DOCK2: variants seen among roughly 807,000 people sequenced by gnomAD.
DOCK2 encodes the protein dedicator of cytokinesis 2.
DOCK2 carries 87 observed loss-of-function variants against 248.9 expected under a neutral mutation model. The observed-to-expected ratio is 0.35, with a 90% confidence interval of 0.29 to 0.42. The LOEUF (loss-of-function observed/expected upper bound fraction) is 0.42. Among genes scored for constraint, DOCK2 ranks in the 10% least tolerant of loss-of-function variants. The pLI, the probability that DOCK2 is intolerant of heterozygous loss-of-function variation, is 1.00. For missense variants in DOCK2, 1,747 were observed against 2,300.2 expected, an observed-to-expected ratio of 0.76 and a Z score of 4.92; for synonymous variants, 805 against 821.6, an observed-to-expected ratio of 0.98 and a Z score of 0.35.
intron 32 of DOCK2, among the ~76,000 whole-genome samples, chr5:170,012,749 C>T (rs1755349593): frequency 6.6e-6 from 1 of 152,216 alleles, no homozygotes; most frequent in South Asian, 2.1e-4. Context: ...TTGATTTCTG[C>T]TCGGCATGAA....
At chr5:169,937,617 T>G in intron 27 of DOCK2, among the ~76,000 whole-genome samples, 1 of 142,024 alleles carries the variant, frequency 7.0e-6, no homozygotes, top group African/African-American at 2.6e-5. Context: ...TTTAATCCCA[T>G]AACAACCTAT....
intron 35 of DOCK2, among the ~76,000 whole-genome samples, chr5:170,034,983 A>T (rs1157287946): frequency 6.6e-6 from 1 of 152,204 alleles, no homozygotes; most frequent in African/African-American, 2.4e-5. Context: ...CAATTTCATT[A>T]GGTTGTGTTG....
intron 27 of DOCK2, among the ~76,000 whole-genome samples, chr5:169,891,782 A>AGACCAGCTTG (rs1170965370): frequency 2.6e-5 from 4 of 152,138 alleles, no homozygotes; most frequent in Admixed American, 6.6e-5. Context: ...CAGGAGTTCA[A>AGACCAGCTTG]GACCAGCTTG....
At chr5:170,025,784 T>TTCCC (rs1205163718) in intron 33 of DOCK2, among the ~76,000 whole-genome samples, 58 of 37,534 alleles carry the variant, frequency 1.5e-3, no homozygotes, top group African/African-American at 3.2e-3. Context: ...CCCTCCCTCC[T>TTCCC]TCCCTCCCTT....
chr5:169,719,680 C>T (rs1048087899), intron 22 of DOCK2, among the ~76,000 whole-genome samples: 17 of 152,152 alleles, frequency 1.1e-4, no homozygotes, highest in Admixed American at 4.6e-4. Flanking sequence ...AGTTTTCCGA[C>T]GCAGAGGCTG....
intron 32 of DOCK2, among the ~76,000 whole-genome samples, chr5:170,015,679 A>C (rs548766241): frequency 6.6e-6 from 1 of 151,992 alleles, no homozygotes; most frequent in African/African-American, 2.4e-5. Context: ...ATCCTTGTTC[A>C]TTGCAGCGTC....
At chr5:169,875,964 T>TGGAG (rs1253698805) in intron 27 of DOCK2, 1 of 152,284 alleles carries the variant, frequency 6.6e-6, no homozygotes, top group Non-Finnish European at 1.5e-5. Context: ...CTTACAGTTC[T>TGGAG]GGAGGGCAGA....
At chr5:169,706,154 T>C (rs568610760) in intron 14 of DOCK2, among the ~76,000 whole-genome samples, 137 of 152,332 alleles carry the variant, frequency 9.0e-4, no homozygotes, top group Admixed American at 1.4e-3. Flanking sequence ...GACTTTTTTC[T>C]CCAGCCTTAG....
At chr5:169,757,904 C>G (rs1032117298) in intron 23 of DOCK2, among the ~76,000 whole-genome samples, 10 of 152,118 alleles carry the variant, frequency 6.6e-5, no homozygotes, top group African/African-American at 2.4e-4. Context: ...CCAATGGTAG[C>G]AAGGTTATGG....
chr5:169,920,059 CT>C (rs1775087896), intron 27 of DOCK2, among the ~76,000 whole-genome samples: 1 of 152,128 alleles, frequency 6.6e-6, no homozygotes, highest in African/African-American at 2.4e-5. Context: ...CACAACACAA[CT>C]TTGTGAGATA....
intron 28 of DOCK2, among the ~76,000 whole-genome samples, chr5:169,984,788 G>A (rs1253149620): frequency 6.6e-6 from 1 of 152,116 alleles, no homozygotes; most frequent in African/African-American, 2.4e-5. Flanking sequence ...CCAACTTAAG[G>A]AAACAACTCT....
chr5:169,940,494 T>G (rs1776196412), intron 27 of DOCK2, among the ~76,000 whole-genome samples: 1 of 152,220 alleles, frequency 6.6e-6, no homozygotes, highest in African/African-American at 2.4e-5. Context: ...TATTATATTT[T>G]AATTTATAAT....
intron 26 of DOCK2, among the ~76,000 whole-genome samples, chr5:169,826,319 G>A (rs1358627069): frequency 2.0e-5 from 3 of 152,142 alleles, no homozygotes; most frequent in Non-Finnish European, 2.9e-5. Flanking sequence ...ACTGGGCTCA[G>A]TTTTTCCCTG....
At chr5:169,840,586 G>A (rs945899630) in intron 26 of DOCK2, among the ~76,000 whole-genome samples, 171 bp from the exon 27 acceptor site, 16 of 39,580 alleles carry the variant, frequency 4.0e-4, no homozygotes, top group African/African-American at 2.8e-3. Context: ...GAGATATGGC[G>A]ATGATGATGA....
intron 27 of DOCK2, among the ~76,000 whole-genome samples, chr5:169,872,438 A>C (rs951591578): frequency 6.6e-6 from 1 of 152,148 alleles, no homozygotes; most frequent in Non-Finnish European, 1.5e-5. Flanking sequence ...AAGTTTGCTC[A>C]TTTTTTATAG....
At chr5:169,909,070 T>G (rs1361279558) in intron 27 of DOCK2, among the ~76,000 whole-genome samples, 1 of 152,192 alleles carries the variant, frequency 6.6e-6, no homozygotes, top group African/African-American at 2.4e-5. Flanking sequence ...GCTGCCTGCT[T>G]TCAGTAGCTG....
chr5:169,980,380 C>A (rs892389986), intron 27 of DOCK2: 4 of 152,120 alleles, frequency 2.6e-5, no homozygotes, highest in Non-Finnish European at 5.9e-5. Flanking sequence ...AATAATAAGT[C>A]CTTCATATTG....
intron 27 of DOCK2, among the ~76,000 whole-genome samples, chr5:169,929,505 G>T (rs913855915): frequency 6.6e-6 from 1 of 152,138 alleles, no homozygotes; most frequent in South Asian, 2.1e-4. Flanking sequence ...GGAAGGCTGA[G>T]GGGGGAGGAT....
At chr5:169,947,076 G>T (rs540459528) in intron 27 of DOCK2, among the ~76,000 whole-genome samples, 1 of 152,264 alleles carries the variant, frequency 6.6e-6, no homozygotes, top group East Asian at 1.9e-4. Flanking sequence ...TGCAACATAC[G>T]TTTATCTTTA....
Sources: allele counts gnomAD v4.1 joint callset (sites outside exome capture counted in the v4.1 genomes callset), GRCh38; gene constraint gnomAD v4.1.1; transcripts MANE v1.5; gene names NCBI Gene and HGNC (gene_info 2026-07-23, HGNC 2026-07-21).